The following SLC4A4 variants were observed in gnomAD, a reference collection of about 807,000 sequenced individuals.
SLC4A4 encodes electrogenic sodium bicarbonate cotransporter 1.
SLC4A4 carries 27 observed loss-of-function variants against 111.5 expected under a neutral mutation model. That is an observed-to-expected ratio of 0.24 (90% confidence interval 0.18 to 0.33). The LOEUF (loss-of-function observed/expected upper bound fraction) is 0.33. SLC4A4 is among the 10% of genes least tolerant of loss of function. The pLI is 1.00. For synonymous variants in SLC4A4, 443 were observed against 463.4 expected (o/e 0.96, Z 0.57); for missense variants, 909 against 1,315.5 (o/e 0.69, Z 4.78).
chr4:71,320,073 A>C (rs1727000210), intron 3 of SLC4A4, among the ~76,000 whole-genome samples: 1 of 152,132 alleles, frequency 6.6e-6, no homozygotes, highest in Non-Finnish European at 1.5e-5. Context: ...TGGGGGAAGG[A>C]TTGGAGGGTC....
At chr4:71,101,655 G>A (rs2148946510) in intron 2 of SLC4A4, among the ~76,000 whole-genome samples, 1 of 152,198 alleles carries the variant, frequency 6.6e-6, no homozygotes, top group African/African-American at 2.4e-5. Flanking sequence ...CCCCCAGCAG[G>A]GGCACACTGA....
At chr4:71,300,715 G>A in intron 3 of SLC4A4, 1 of 377,940 alleles carries the variant, frequency 2.6e-6, no homozygotes, top group Non-Finnish European at 5.3e-6. Context: ...GCTGGCAGCA[G>A]CTTCTGGAGG....
intron 2 of SLC4A4, among the ~76,000 whole-genome samples, chr4:71,106,379 T>G (rs936334341): frequency 2.0e-5 from 3 of 150,960 alleles, no homozygotes; most frequent in African/African-American, 7.4e-5. Flanking sequence ...TCCTCAGGGA[T>G]CTAGAACTAG....
intron 2 of SLC4A4, among the ~76,000 whole-genome samples, chr4:71,144,879 C>T (rs1274706318): frequency 1.3e-5 from 2 of 152,134 alleles, no homozygotes; most frequent in Non-Finnish European, 2.9e-5. Flanking sequence ...GATATACAAT[C>T]ATGTCATCTG....
chr4:71,123,230 GCTAA>G (rs1275962577), intron 2 of SLC4A4, among the ~76,000 whole-genome samples: 2 of 152,098 alleles, frequency 1.3e-5, no homozygotes. Context: ...CAATATAAGA[GCTAA>G]CTATGGCAGA....
intron 7 of SLC4A4, among the ~76,000 whole-genome samples, chr4:71,425,300 A>T (rs13152390): frequency 6.6e-6 from 1 of 152,042 alleles, no homozygotes; most frequent in South Asian, 2.1e-4. Flanking sequence ...GAACACTGGT[A>T]AACTATATAG....
At chr4:71,390,175 C>T (rs1472559232) in intron 6 of SLC4A4, among the ~76,000 whole-genome samples, 1 of 152,038 alleles carries the variant, frequency 6.6e-6, no homozygotes, top group Non-Finnish European at 1.5e-5. Flanking sequence ...GGAAACTGGT[C>T]TGACAGAAAT....
intron 18 of SLC4A4, among the ~76,000 whole-genome samples, chr4:71,543,076 T>A (rs1026306): frequency 0.72 from 109,640 of 152,038 alleles, 39,756 homozygotes; most frequent in Admixed American, 0.77. Flanking sequence ...GCTGATGTTG[T>A]GAAGGAGAAG....
intron 15 of SLC4A4, among the ~76,000 whole-genome samples, chr4:71,487,570 G>A (rs914784356): frequency 2.0e-5 from 3 of 151,574 alleles, no homozygotes; most frequent in Admixed American, 1.3e-4. Flanking sequence ...TGCATGGAAG[G>A]TCACACACTG....
rs79601990 is a variant in SLC4A4, at chr4:71,401,171, T to C, written c.807+3518T>C. The stretch of plus-strand genomic sequence containing the variant: ...ATTGCTCTTTCTGACAGCTACATAG[T>C]GACAGAATTTGAGGGCATATTTTTT... On this transcript the variant is annotated intron_variant, in intron 7 of 25. Coordinates refer to ENST00000264485, the MANE Select transcript of SLC4A4 (RefSeq NM_001098484.3). Among the ~76,000 whole-genome samples, 1,463 of 152,300 alleles carry C rather than the reference T, an allele frequency of 9.6e-3. 26 individuals are homozygous for C. The highest frequency in any genetic ancestry group is 0.034 in the African/African-American group (1,407 of 41,568).
intron 2 of SLC4A4, among the ~76,000 whole-genome samples, chr4:71,128,295 G>A (rs570734465): frequency 3.9e-5 from 6 of 151,980 alleles, no homozygotes; most frequent in Admixed American, 6.6e-5. Context: ...ATCATATCTC[G>A]TCAGATCTCG....
rs192892663 is a variant in SLC4A4, at chr4:71,376,232, C to T, written c.730+19045C>T. 9.4e-3 allele frequency among the ~76,000 whole-genome samples: 1,419 copies of T among 151,226 alleles called. 12 individuals carry two copies. Among genetic ancestry groups the T allele is most frequent in the Middle Eastern group, 0.031 (9 of 294 alleles). On this transcript the variant is annotated intron_variant, in intron 6 of 25. Coordinates refer to ENST00000264485, the MANE Select transcript of SLC4A4 (RefSeq NM_001098484.3). ...ATATATATTTTTTGAGACGGAGTCT[C>T]GCTCTGTCACCCAGGCTGGAGTGCA...
At chr4:71,543,806 G>A (rs1735276347) in intron 18 of SLC4A4, among the ~76,000 whole-genome samples, 1 of 151,902 alleles carries the variant, frequency 6.6e-6, no homozygotes, top group Non-Finnish European at 1.5e-5. Flanking sequence ...GTCTAAAGAG[G>A]GCATAAAAAT....
chr4:71,418,972 G>T (rs1722083149), intron 7 of SLC4A4, among the ~76,000 whole-genome samples: 1 of 152,178 alleles, frequency 6.6e-6, no homozygotes, highest in Non-Finnish European at 1.5e-5. Flanking sequence ...GACCCTGTTT[G>T]CCTGGGTATC....
At chr4:71,126,911 C>T (rs767782171) in intron 2 of SLC4A4, among the ~76,000 whole-genome samples, 1 of 152,204 alleles carries the variant, frequency 6.6e-6, no homozygotes, top group South Asian at 2.1e-4. Context: ...TGCACCTTTA[C>T]GTCACCACCA....
At chr4:71,143,217 T>G (rs185018608) in intron 2 of SLC4A4, among the ~76,000 whole-genome samples, 5 of 152,252 alleles carry the variant, frequency 3.3e-5, no homozygotes, top group African/African-American at 1.2e-4. Context: ...TTTGTCCTTG[T>G]GATAGTTTGC....
intron 16 of SLC4A4, among the ~76,000 whole-genome samples, chr4:71,522,750 G>T (rs1293678606): frequency 2.6e-5 from 4 of 152,036 alleles, no homozygotes; most frequent in Admixed American, 2.6e-4. Context: ...CTTCCTTGTT[G>T]TTATTGTCAT....
chr4:71,351,666 C>T (rs966167618), intron 5 of SLC4A4, among the ~76,000 whole-genome samples: 3 of 152,000 alleles, frequency 2.0e-5, no homozygotes, highest in African/African-American at 7.3e-5. Context: ...ACCAGTCTGG[C>T]CAACATGGTG....
chr4:71,192,900 T>G (rs1745800183), intron 1 of SLC4A4, among the ~76,000 whole-genome samples: 1 of 152,222 alleles, frequency 6.6e-6, no homozygotes, highest in African/African-American at 2.4e-5. Context: ...TCTGAGATAA[T>G]GGTTACTTTC....
Sources: gnomAD v4.1 joint callset for allele counts (sites outside exome capture counted in the v4.1 genomes callset) on GRCh38, gnomAD v4.1.1 for gene constraint, MANE v1.5 for transcripts, NCBI Gene and HGNC (gene_info 2026-07-23, HGNC 2026-07-21) for gene names.